Variants in SPAG16 observed in about 807,000 individuals in gnomAD.
SPAG16 encodes the protein sperm associated antigen 16.
SPAG16 carries 86 observed loss-of-function variants against 80.4 expected under a neutral mutation model. That is an observed-to-expected ratio of 1.07 (90% CI 0.90 to 1.28). SPAG16 has a LOEUF of 1.28. Ranked by LOEUF, SPAG16 falls within the 50% of genes most tolerant of loss-of-function variation. The pLI, the probability that SPAG16 is intolerant of heterozygous loss-of-function variation, is 0.00. For missense variants in SPAG16, 870 were observed against 765.3 expected (o/e 1.14, Z -1.61); for synonymous variants, 294 against 265.9 (o/e 1.11, Z -1.03).
At chr2:213,896,939 A>T (rs1471103151) in intron 11 of SPAG16, among the ~76,000 whole-genome samples, 1 of 152,122 alleles carries the variant, frequency 6.6e-6, no homozygotes, top group Non-Finnish European at 1.5e-5. Context: ...AGGGAGGATG[A>T]AGAGAAGTTG....
chr2:214,186,545 C>A (rs2057483264), intron 15 of SPAG16, among the ~76,000 whole-genome samples: 1 of 152,016 alleles, frequency 6.6e-6, no homozygotes, highest in African/African-American at 2.4e-5. Context: ...GGATGAATAA[C>A]CATGGCTGAG....
At chr2:213,838,669 G>A (rs1016050949) in intron 10 of SPAG16, among the ~76,000 whole-genome samples, 1 of 152,178 alleles carries the variant, frequency 6.6e-6, no homozygotes, top group African/African-American at 2.4e-5. Context: ...GGTGATCAGA[G>A]GTTTTATAGA....
intron 1 of SPAG16, among the ~76,000 whole-genome samples, chr2:213,293,260 T>A (rs150932193): frequency 6.6e-6 from 1 of 152,284 alleles, no homozygotes; most frequent in East Asian, 1.9e-4. Flanking sequence ...TATGAGTCAA[T>A]TAAACCTCTT....
At chr2:213,672,950 C>T (rs552187396) in intron 10 of SPAG16, among the ~76,000 whole-genome samples, 11 of 151,532 alleles carry the variant, frequency 7.3e-5, no homozygotes, top group African/African-American at 2.7e-4. Flanking sequence ...GCTCCGCCTC[C>T]TGGGTTCACC....
intron 10 of SPAG16, among the ~76,000 whole-genome samples, chr2:213,712,834 TA>T (rs1363875099): frequency 6.6e-6 from 1 of 152,186 alleles, no homozygotes; most frequent in Non-Finnish European, 1.5e-5. Context: ...GGTAAGAAGA[TA>T]GACAGCTTCC....
At chr2:214,306,140 T>C (rs1334076338) in intron 15 of SPAG16, among the ~76,000 whole-genome samples, 3 of 152,166 alleles carry the variant, frequency 2.0e-5, no homozygotes, top group Non-Finnish European at 4.4e-5. Flanking sequence ...TTGTGGCAAT[T>C]GTGAATGGGA....
chr2:213,472,734 ACTCCATTAGTTACCTGAC>A (rs1474558301), intron 9 of SPAG16, among the ~76,000 whole-genome samples: 1 of 151,326 alleles, frequency 6.6e-6, no homozygotes, highest in Non-Finnish European at 1.5e-5. Flanking sequence ...CTGAGCTAAA[ACTCCATTAGTTACCTGAC>A]CTCCATAACC....
chr2:213,404,416 T>A (rs1320871497), intron 9 of SPAG16, among the ~76,000 whole-genome samples: 1 of 152,210 alleles, frequency 6.6e-6, no homozygotes, highest in Admixed American at 6.5e-5. Context: ...TATCTACAAC[T>A]ATCTGATCTT....
intron 10 of SPAG16, among the ~76,000 whole-genome samples, chr2:213,611,492 C>T (rs1405276833): frequency 6.6e-6 from 1 of 152,046 alleles, no homozygotes; most frequent in African/African-American, 2.4e-5. Flanking sequence ...ATTAGATATA[C>T]TGTAGGGGAT....
At chr2:213,990,364 G>A (rs2046217601) in intron 12 of SPAG16, among the ~76,000 whole-genome samples, 1 of 152,054 alleles carries the variant, frequency 6.6e-6, no homozygotes, top group African/African-American at 2.4e-5. Flanking sequence ...ACAATGCAAT[G>A]GTTAGGGGAA....
chr2:214,323,647 T>C (rs920252626), intron 15 of SPAG16, among the ~76,000 whole-genome samples: 2 of 152,226 alleles, frequency 1.3e-5, no homozygotes, highest in Non-Finnish European at 2.9e-5. Context: ...GATTGCGATA[T>C]TTCTTTCCAA....
At chr2:214,191,218 T>G (rs1180038129) in intron 15 of SPAG16, among the ~76,000 whole-genome samples, 1 of 152,022 alleles carries the variant, frequency 6.6e-6, no homozygotes, top group Non-Finnish European at 1.5e-5. Flanking sequence ...TATTTTTGAT[T>G]TAGTGAGAAA....
intron 3 of SPAG16, among the ~76,000 whole-genome samples, chr2:213,304,502 C>T (rs773086302): frequency 1.4e-4 from 22 of 152,000 alleles, no homozygotes; most frequent in South Asian, 4.1e-4. Flanking sequence ...AGAAGGTCCA[C>T]GGTTTGAGGG....
In SPAG16 at chr2:214,106,767, T is replaced by C. The variant is rs141282398; in HGVS notation, c.1528-1429T>C. Among the ~76,000 whole-genome samples the C allele has an allele frequency of 8.5e-5, 13 of 152,286 alleles. No homozygotes were observed. In the East Asian group the frequency reaches 2.5e-3, roughly 29 times the overall value. The stretch of plus-strand genomic sequence containing the variant: ...ATACAAGGTAGTGAATGAGAGTAGA[T>C]GAAGACTTTTGAGTGAATCTACTCT... On this transcript the variant is annotated intron_variant, in intron 13 of 15. Coordinates refer to ENST00000331683, the MANE Select transcript of SPAG16 (RefSeq NM_024532.5).
At chr2:213,429,569 G>A (rs1337491418) in intron 9 of SPAG16, among the ~76,000 whole-genome samples, 1 of 152,178 alleles carries the variant, frequency 6.6e-6, no homozygotes, top group Non-Finnish European at 1.5e-5. Flanking sequence ...TTTACTGGCA[G>A]AAGTGCATAG....
rs535338372 is a variant in SPAG16, at chr2:213,563,815, C to T, written c.1070+73725C>T. 1.6e-4 allele frequency among the ~76,000 whole-genome samples: 25 copies of T among 152,272 alleles called. No homozygotes were observed. The South Asian group carries it at 3.3e-3, about 20-fold the overall frequency. On this transcript the variant is annotated intron_variant, in intron 10 of 15. Coordinates refer to ENST00000331683, the MANE Select transcript of SPAG16 (RefSeq NM_024532.5). ...CTTATTGTTTGCACATATTTATTAA[C>T]GAAGGACTAAACATATTAATGTACA...
intron 10 of SPAG16, among the ~76,000 whole-genome samples, chr2:213,815,770 A>T (rs1473491185): frequency 6.6e-6 from 1 of 152,034 alleles, no homozygotes; most frequent in Non-Finnish European, 1.5e-5. Flanking sequence ...ATGTTCATTA[A>T]TTTTTACTTA....
chr2:214,033,529 G>A (rs887554299), intron 13 of SPAG16, among the ~76,000 whole-genome samples: 4 of 152,082 alleles, frequency 2.6e-5, no homozygotes, highest in Admixed American at 6.5e-5. Flanking sequence ...GAGCTGATGA[G>A]AACATGACAC....
chr2:213,497,443 CTTG>C (rs1471904648), intron 10 of SPAG16, among the ~76,000 whole-genome samples: 2 of 145,894 alleles, frequency 1.4e-5, no homozygotes, highest in African/African-American at 5.2e-5. Flanking sequence ...GGTGTTCTAC[CTTG>C]TTTTTTTTTT....
Sources: gnomAD v4.1 joint callset for allele counts (sites outside exome capture counted in the v4.1 genomes callset) on GRCh38, gnomAD v4.1.1 for gene constraint, MANE v1.5 for transcripts, NCBI Gene and HGNC (gene_info 2026-07-23, HGNC 2026-07-21) for gene names.